The following SLC6A14 variants were observed in gnomAD, a reference collection of about 807,000 sequenced individuals.
SLC6A14 encodes the protein sodium- and chloride-dependent neutral and basic amino acid transporter B(0+).
SLC6A14 carries 21 observed loss-of-function variants against 51.4 expected under a neutral mutation model. The observed-to-expected ratio is 0.41, with a 90% CI of 0.29 to 0.59. SLC6A14 has a LOEUF of 0.59. SLC6A14 is among the 20% of genes least tolerant of loss of function. The probability of loss-of-function intolerance (pLI) is 0.31; values close to 1 mark genes in which losing one functional copy is unlikely to be tolerated. For missense variants in SLC6A14, 371 were observed against 472.8 expected (o/e 0.78, Z 2.00); for synonymous variants, 177 against 160.7 (o/e 1.10, Z -0.77).
At chrX:116,443,222 C>A (rs782454261) in intron 4 of SLC6A14, among the ~76,000 whole-genome samples, 2 of 111,262 alleles carry the variant, frequency 1.8e-5, no homozygotes, top group African/African-American at 3.3e-5. Flanking sequence ...ATGTCATAGA[C>A]TATTACCATT....
rs1357530542 is a variant in SLC6A14 at position 116,451,394 on chromosome X, A to G, written c.931-48A>G. On this transcript the variant is annotated intron_variant, in intron 7 of 13. Transcript: ENST00000598581. ...GCTTATGTGAAATATTTACACAAAT[A>G]AAAAATTGAGTATATGTTTTAAAAT... The G allele has an allele frequency of 4.4e-6, 4 of 913,609 alleles. No individual in the cohort carries two copies. The African/African-American group carries it at 8.1e-5, about 19-fold the overall frequency. 75.3% of individuals were successfully genotyped at this position (913,609 alleles called of 1,213,427 possible).
intron 1 of SLC6A14, 70 bp downstream of exon 1, chrX:116,436,827 T>C: frequency 2.0e-6 from 2 of 1,002,296 alleles, no homozygotes; most frequent in Non-Finnish European, 2.7e-6. Context: ...GTTGCTAGTC[T>C]CAGTTTTTGC....
chrX:116,437,968 A>ACGGGCGC lies in SLC6A14; in HGVS notation c.214+14_214+15insGGGCGCC. 8.9e-7 allele frequency: 1 copy of ACGGGCGC among 1,122,180 alleles called. No individual in the cohort carries two copies. The highest frequency in any genetic ancestry group is 1.2e-6 in the Non-Finnish European group (1 of 840,398). 92.5% of individuals were successfully genotyped at this position (1,122,180 alleles called of 1,213,427 possible). On this transcript the variant is annotated intron_variant, in intron 2 of 13. Coordinates refer to ENST00000598581, the MANE Select transcript of SLC6A14 (RefSeq NM_007231.5). ...AGCAATGGTGGAGGTATTCTATTTC[A>ACGGGCGC]CCCCCACCCTCCCACCCCCGCTTTT...
intron 2 of SLC6A14, among the ~76,000 whole-genome samples, chrX:116,438,770 A>G (rs1204193314): frequency 8.9e-6 from 1 of 112,127 alleles, no homozygotes; most frequent in Non-Finnish European, 1.9e-5. Flanking sequence ...ACATGCCCCT[A>G]TATTTCATAA....
chrX:116,453,014 T>C lies in SLC6A14; in HGVS notation c.1160-3T>C. ...AATTTATAATATCATACATGTTTCG[T>C]AGGTTTTGATTTGGCATTCATTGCC... On this transcript the variant is annotated splice_region_variant and splice_polypyrimidine_tract_variant and intron_variant, in intron 8 of 13. Transcript: ENST00000598581. 8.5e-7 allele frequency: 1 copy of C among 1,176,807 alleles called. No homozygotes were observed. The highest frequency in any genetic ancestry group is 3.0e-5 in the East Asian group (1 of 32,879).
intron 12 of SLC6A14, 27 bp from the exon 13 acceptor site, chrX:116,457,582 T>A: frequency 8.5e-7 from 1 of 1,182,939 alleles, no homozygotes; most frequent in Non-Finnish European, 1.1e-6. Flanking sequence ...ATCTTTAGCT[T>A]TGTCTTTGCA....
At chrX:116,445,210 T>C (rs1927682095) in intron 6 of SLC6A14, among the ~76,000 whole-genome samples, 160 bp downstream of exon 6, 2 of 110,650 alleles carry the variant, frequency 1.8e-5, no homozygotes, top group South Asian at 3.8e-4. Context: ...AGTAAATACA[T>C]AGGATCTCTG....
At chrX:116,455,992 G>T (rs1371666764) in intron 12 of SLC6A14, among the ~76,000 whole-genome samples, 2 of 111,234 alleles carry the variant, frequency 1.8e-5, no homozygotes, top group Non-Finnish European at 3.8e-5. Context: ...GTCAATAAGG[G>T]CAATGGTTTA....
chrX:116,436,610 C>A lies in SLC6A14; in HGVS notation c.-100C>A. ...GTTCCCACCCCTGGGCAAGGTGGCT[C>A]ACTCTGGCAGGTAGGAACAGGGGAG... On this transcript the variant is annotated 5_prime_UTR_variant, in exon 1 of 14. Coordinates refer to ENST00000598581, the MANE Select transcript of SLC6A14 (RefSeq NM_007231.5). 1 of 894,363 alleles carries A rather than the reference C, an allele frequency of 1.1e-6. No homozygotes were observed. Among genetic ancestry groups the A allele is most frequent in the Non-Finnish European group, 1.5e-6 (1 of 652,922 alleles). 73.7% of individuals were successfully genotyped at this position (894,363 alleles called of 1,213,427 possible). A position where few individuals can be genotyped will look rare whatever the true frequency, so the allele number is the denominator to read the frequency against.
chrX:116,442,871 T>C (rs1556693772), intron 4 of SLC6A14, 23 bp downstream of exon 4: 6 of 1,088,488 alleles, frequency 5.5e-6, no homozygotes, highest in Non-Finnish European at 7.4e-6. Flanking sequence ...AACACCCAAA[T>C]AGTTCTTTTA....
At chrX:116,449,454 A>T (rs1234906400) in intron 7 of SLC6A14, among the ~76,000 whole-genome samples, 1 of 111,777 alleles carries the variant, frequency 8.9e-6, no homozygotes, top group African/African-American at 3.3e-5. Flanking sequence ...CAACATGAGC[A>T]TGCTGTTCAT....
chrX:116,440,944 G>A, intron 2 of SLC6A14, 22 bp from the exon 3 acceptor site: 1 of 1,206,364 alleles, frequency 8.3e-7, no homozygotes, highest in South Asian at 1.8e-5. Context: ...ATAGTGCTTT[G>A]GTTCTTTCTC....
chrX:116,442,977 T>G, intron 4 of SLC6A14, 129 bp downstream of exon 4: 1 of 423,477 alleles, frequency 2.4e-6, no homozygotes, highest in Non-Finnish European at 3.9e-6. Flanking sequence ...AAGCAGAAGA[T>G]AGCATATATA....
At chrX:116,449,237 A>G (rs2147388684) in intron 7 of SLC6A14, among the ~76,000 whole-genome samples, 1 of 112,186 alleles carries the variant, frequency 8.9e-6, no homozygotes, top group Non-Finnish European at 1.9e-5. Flanking sequence ...CTAGTCCCTA[A>G]TGTAATAATC....
At chrX:116,454,839 A>G in intron 10 of SLC6A14, 138 bp from the exon 11 acceptor site, 1 of 467,383 alleles carries the variant, frequency 2.1e-6, no homozygotes, top group Non-Finnish European at 3.7e-6. Flanking sequence ...TACATTTGAA[A>G]CATTGCTTTT....
In SLC6A14 at chrX:116,451,538, T is replaced by A. The variant is rs1389755911; in HGVS notation, c.1027T>A (p.Cys343Ser). 1.7e-6 allele frequency: 2 copies of A among 1,208,077 alleles called. No homozygotes were observed. The highest frequency in any genetic ancestry group is 3.5e-5 in the African/African-American group (2 of 57,107). ...LSSYNKFKNN[C>S]FSDAIVVCLT... Reference sequence around the variant, plus strand: ...ATCTTACAATAAGTTCAAAAACAACTGCTTCTCTGATGCCATTGTGGTTTG... The same window carrying A: ...ATCTTACAATAAGTTCAAAAACAACAGCTTCTCTGATGCCATTGTGGTTTG... The change falls in exon 8 of 14, where the codon TGC becomes AGC. Residue 343 changes from cysteine (C) to serine (S), a missense_variant. Physicochemically the swap from Cys to Ser is moderately radical, Grantham distance 112. This residue lies in a region of SLC6A14 where 277 missense variants were observed against 391.8 expected (regional missense o/e 0.71). Coordinates refer to ENST00000598581, the MANE Select transcript of SLC6A14 (RefSeq NM_007231.5).
Position 116,457,769 on chromosome X carries a change from T to C in SLC6A14, c.1775T>C (p.Ile592Thr), listed in dbSNP as rs1396508603. 1.7e-6 allele frequency: 2 copies of C among 1,183,649 alleles called. No individual in the cohort carries two copies. Among genetic ancestry groups the C allele is most frequent in the South Asian group, 1.8e-5 (1 of 55,519 alleles). ...AAAATAATTCAGGCTAAAGGAAACA[T>C]CTTTCAAGTGAGTGCATTAAAATTG... ...IIKIIQAKGN[I>T]FQRLISCCRP... is the part of the protein sequence containing the mutation. Residue 592 changes from isoleucine (I) to threonine (T), a missense_variant, in exon 13 of 14, where the codon ATC (isoleucine) becomes ACC (threonine). Physicochemically the swap from Ile to Thr is moderately conservative, Grantham distance 89. This residue lies in a region of SLC6A14 where 94 missense variants were observed against 81.0 expected (regional missense o/e 1.16). Transcript: ENST00000598581.
At chrX:116,450,861 C>A (rs1556694359) in intron 7 of SLC6A14, among the ~76,000 whole-genome samples, 1 of 111,994 alleles carries the variant, frequency 8.9e-6, no homozygotes, top group Non-Finnish European at 1.9e-5. Context: ...ATTGCTTGAA[C>A]CTGTCAGGCA....
intron 7 of SLC6A14, 77 bp from the exon 8 acceptor site, chrX:116,451,365 A>T: frequency 1.4e-6 from 1 of 695,673 alleles, no homozygotes; most frequent in Non-Finnish European, 2.1e-6. Flanking sequence ...TAATATATTC[A>T]TTTGCTTATG....
Sources: allele counts gnomAD v4.1 joint callset (sites outside exome capture counted in the v4.1 genomes callset), GRCh38; gene constraint gnomAD v4.1.1; regional missense constraint gnomAD v4.1.1; transcripts MANE v1.5; gene names NCBI Gene and HGNC (gene_info 2026-07-23, HGNC 2026-07-21).